TTC27: variants seen among roughly 807,000 people sequenced by gnomAD.
TTC27 encodes tetratricopeptide repeat protein 27.
In TTC27, 79 loss-of-function variants were observed where a neutral mutation model predicts 115.9. The observed-to-expected ratio is 0.68, with a 90% CI of 0.57 to 0.82. The LOEUF (loss-of-function observed/expected upper bound fraction) is 0.82, where lower values mean the gene tolerates loss of function less well. Ranked by LOEUF, TTC27 falls within the 40% of genes least tolerant of loss-of-function variation. The pLI is 0.00. For missense variants in TTC27, 1,054 were observed against 993.1 expected (o/e 1.06, Z -0.82); for synonymous variants, 401 against 356.0 (o/e 1.13, Z -1.42).
intron 5 of TTC27, among the ~76,000 whole-genome samples, chr2:32,660,546 A>G (rs1665507332): frequency 6.6e-6 from 1 of 151,872 alleles, no homozygotes; most frequent in Non-Finnish European, 1.5e-5. Flanking sequence ...GAGTTGAACA[A>G]TGAGAACACA....
chr2:32,814,441 A>G (rs1225924901), intron 18 of TTC27, among the ~76,000 whole-genome samples: 1 of 152,184 alleles, frequency 6.6e-6, no homozygotes, highest in Non-Finnish European at 1.5e-5. Context: ...GATATTTTAG[A>G]TTTACAAAGA....
chr2:32,748,040 T>C (rs910419654), intron 12 of TTC27, among the ~76,000 whole-genome samples: 1 of 152,098 alleles, frequency 6.6e-6, no homozygotes, highest in Non-Finnish European at 1.5e-5. Flanking sequence ...TTACTTTTGG[T>C]GGAAGGTTAG....
intron 4 of TTC27, among the ~76,000 whole-genome samples, chr2:32,645,271 A>C (rs968860472): frequency 1.3e-5 from 2 of 152,154 alleles, no homozygotes; most frequent in African/African-American, 4.8e-5. Flanking sequence ...CTTGGTTTTG[A>C]AATCAACAGC....
intron 16 of TTC27, among the ~76,000 whole-genome samples, chr2:32,803,266 C>T (rs976742092): frequency 2.6e-5 from 4 of 152,234 alleles, no homozygotes; most frequent in Admixed American, 2.6e-4. Context: ...CACTCTTAGG[C>T]GCCGGCCAGG....
At chr2:32,767,106 T>C (rs1669654521) in intron 13 of TTC27, among the ~76,000 whole-genome samples, 1 of 152,104 alleles carries the variant, frequency 6.6e-6, no homozygotes, top group African/African-American at 2.4e-5. Flanking sequence ...TTAAAGCAAA[T>C]CCCATACATC....
chr2:32,812,413 TTG>T, intron 17 of TTC27, 89 bp from the exon 18 acceptor site: 2 of 917,920 alleles, frequency 2.2e-6, no homozygotes, highest in Non-Finnish European at 3.5e-6. Context: ...CTTTTTCACA[TTG>T]GAATTAGTTC....
intron 12 of TTC27, among the ~76,000 whole-genome samples, chr2:32,739,730 T>C (rs1386267011): frequency 6.6e-6 from 1 of 152,168 alleles, no homozygotes; most frequent in African/African-American, 2.4e-5. Flanking sequence ...ATTTGCAGAT[T>C]TTTTAAACCA....
Position 32,675,022 on chromosome 2 carries a change from T to C in TTC27, c.1052+2638T>C, listed in dbSNP as rs913548141. On this transcript the variant is annotated intron_variant, in intron 8 of 19. Transcript: ENST00000317907. ...ATACTTGTTCAATCCATAACAACAT[T>C]TAGTATGTTAATAATATGAATAGCA... Among the ~76,000 whole-genome samples the C allele has an allele frequency of 2.0e-5, 3 of 152,168 alleles. No individual in the cohort carries two copies. The East Asian group carries it at 5.8e-4, about 29-fold the overall frequency.
At chr2:32,686,277 A>T (rs887031040) in intron 9 of TTC27, among the ~76,000 whole-genome samples, 7 of 152,162 alleles carry the variant, frequency 4.6e-5, no homozygotes, top group Non-Finnish European at 1.0e-4. Context: ...TTAAATCCGT[A>T]GCAATCAGAA....
At chr2:32,777,291 C>G (rs1400501935) in intron 13 of TTC27, among the ~76,000 whole-genome samples, 1 of 152,148 alleles carries the variant, frequency 6.6e-6, no homozygotes, top group East Asian at 1.9e-4. Context: ...TATGGTGGTC[C>G]CTCAGAATGC....
intron 9 of TTC27, among the ~76,000 whole-genome samples, chr2:32,686,890 G>A (rs1666649388): frequency 6.6e-6 from 1 of 152,118 alleles, no homozygotes. Context: ...TGTCACCCAG[G>A]CTGGAGTGCA....
chr2:32,650,255 G>T, intron 5 of TTC27, 22 bp downstream of exon 5: 1 of 1,585,226 alleles, frequency 6.3e-7, no homozygotes. Context: ...ATTTTTGTTT[G>T]ATATGGGCAT....
At chr2:32,696,014 T>C (rs1376072814) in intron 9 of TTC27, among the ~76,000 whole-genome samples, 1 of 150,460 alleles carries the variant, frequency 6.6e-6, no homozygotes, top group Middle Eastern at 3.2e-3. Flanking sequence ...TCCCAGCTAC[T>C]TGGGAGACTG....
At chr2:32,763,407 G>T (rs1023600857) in intron 13 of TTC27, among the ~76,000 whole-genome samples, 2 of 152,168 alleles carry the variant, frequency 1.3e-5, no homozygotes, top group African/African-American at 4.8e-5. Context: ...CATATCCAAA[G>T]AATTAGGTTA....
chr2:32,808,920 CTG>C (rs1671227009), intron 16 of TTC27, among the ~76,000 whole-genome samples: 1 of 152,304 alleles, frequency 6.6e-6, no homozygotes, highest in Admixed American at 6.5e-5. Context: ...CACATTCAGA[CTG>C]TTTCTTCTGC....
intron 10 of TTC27, among the ~76,000 whole-genome samples, chr2:32,719,862 C>T (rs150348608): frequency 1.3e-5 from 2 of 152,200 alleles, no homozygotes; most frequent in African/African-American, 2.4e-5. Context: ...ATGGTTTATG[C>T]CCACCTGCCA....
intron 10 of TTC27, among the ~76,000 whole-genome samples, chr2:32,707,626 A>T (rs1667422286): frequency 1.3e-5 from 2 of 152,168 alleles, no homozygotes; most frequent in African/African-American, 4.8e-5. Context: ...AAAACTAATG[A>T]AGTATATTTT....
intron 10 of TTC27, among the ~76,000 whole-genome samples, chr2:32,714,163 CT>C (rs1197993683): frequency 8.0e-4 from 112 of 140,724 alleles, no homozygotes; most frequent in Non-Finnish European, 9.3e-4. Flanking sequence ...GCCCCCCCGC[CT>C]TTTTTTTTTT....
intron 12 of TTC27, among the ~76,000 whole-genome samples, chr2:32,742,748 A>G (rs1572568146): frequency 6.6e-6 from 1 of 152,166 alleles, no homozygotes. Flanking sequence ...GACGTAGAGC[A>G]CCTTTCAGTG....
Sources: allele counts gnomAD v4.1 joint callset (sites outside exome capture counted in the v4.1 genomes callset), GRCh38; gene constraint gnomAD v4.1.1; transcripts MANE v1.5; gene names NCBI Gene and HGNC (gene_info 2026-07-23, HGNC 2026-07-21).